KCNMA1: variants seen among roughly 807,000 people sequenced by gnomAD.
KCNMA1 encodes Calcium-activated potassium channel subunit alpha-1.
KCNMA1 carries 29 observed loss-of-function variants against 140.0 expected under a neutral mutation model. The ratio of observed to expected loss-of-function variants is 0.21; its 90% CI spans 0.15 to 0.28. The LOEUF (loss-of-function observed/expected upper bound fraction) is 0.28. Among genes scored for constraint, KCNMA1 ranks in the 10% least tolerant of loss-of-function variants. KCNMA1 has a pLI of 1.00. For synonymous variants in KCNMA1, 612 were observed against 611.9 expected (o/e 1.00, Z 0.00); for missense variants, 880 against 1,602.2 (o/e 0.55, Z 7.70).
intron 1 of KCNMA1, among the ~76,000 whole-genome samples, chr10:77,525,786 C>T (rs1338213937): frequency 1.3e-5 from 2 of 152,216 alleles, no homozygotes; most frequent in African/African-American, 4.8e-5. Context: ...CCCTCCTCCT[C>T]GTTACTAACA....
chr10:77,587,827 C>T (rs753833322), intron 1 of KCNMA1: 6 of 985,148 alleles, frequency 6.1e-6, no homozygotes, highest in East Asian at 1.1e-4. Flanking sequence ...GTTATCTCAC[C>T]GACAGATCAT....
At chr10:77,077,617 A>G (rs2096439609) in intron 13 of KCNMA1, among the ~76,000 whole-genome samples, 1 of 152,220 alleles carries the variant, frequency 6.6e-6, no homozygotes, top group Non-Finnish European at 1.5e-5. Flanking sequence ...CTAAACATAC[A>G]ACATTAATTT....
In KCNMA1 at chr10:77,117,293, A is replaced by G. The variant is rs183145823; in HGVS notation, c.884+3680T>C. On this transcript the variant is annotated intron_variant, in intron 6 of 27. Coordinates refer to ENST00000286628, the MANE Select transcript of KCNMA1 (RefSeq NM_001161352.2). ...GCTGGGCACAGTGGCTCACACCTGT[A>G]ATCCCAGCACTTTGGGAGGCCAAAG... 5.0e-3 allele frequency among the ~76,000 whole-genome samples: 761 copies of G among 152,260 alleles called. 4 individuals are homozygous for G. The highest frequency in any genetic ancestry group is 0.017 in the African/African-American group (718 of 41,546).
chr10:77,508,865 C>T (rs1304142117), intron 1 of KCNMA1, among the ~76,000 whole-genome samples: 1 of 152,152 alleles, frequency 6.6e-6, no homozygotes, highest in African/African-American at 2.4e-5. Context: ...AATTTGCCTA[C>T]TCCAGGTATC....
intron 1 of KCNMA1, among the ~76,000 whole-genome samples, chr10:77,426,425 T>C (rs888209890): frequency 6.6e-6 from 1 of 152,222 alleles, no homozygotes; most frequent in Non-Finnish European, 1.5e-5. Flanking sequence ...ACTATTATTA[T>C]GCCCATTTTA....
chr10:77,277,387 G>A (rs1318143391), intron 2 of KCNMA1, among the ~76,000 whole-genome samples: 3 of 152,160 alleles, frequency 2.0e-5, no homozygotes, highest in Non-Finnish European at 2.9e-5. Context: ...CAGGATTGAG[G>A]GCACTGTCCA....
intron 24 of KCNMA1, chr10:76,914,383 C>A (rs1353834971): frequency 7.8e-6 from 4 of 514,610 alleles, no homozygotes; most frequent in Non-Finnish European, 1.4e-5. Context: ...CCTCAAAACC[C>A]CATCATTTTG....
chr10:77,024,296 C>T, intron 16 of KCNMA1, among the ~76,000 whole-genome samples: 1 of 151,962 alleles, frequency 6.6e-6, no homozygotes. Flanking sequence ...TCAATAATAC[C>T]AAACTGACAG....
chr10:77,486,848 G>T (rs111494756), intron 1 of KCNMA1, among the ~76,000 whole-genome samples: 60 of 152,178 alleles, frequency 3.9e-4, no homozygotes, highest in African/African-American at 1.1e-3. Context: ...GTCATGGAGG[G>T]GTTTCCCTTC....
At chr10:76,934,738 A>C (rs865845474) in intron 23 of KCNMA1, among the ~76,000 whole-genome samples, 2 of 152,152 alleles carry the variant, frequency 1.3e-5, no homozygotes, top group South Asian at 4.1e-4. Flanking sequence ...TAGAGGGTCC[A>C]TGGGATTACA....
intron 19 of KCNMA1, chr10:76,977,793 G>T (rs776815650): frequency 1.7e-6 from 1 of 592,884 alleles, no homozygotes; most frequent in Non-Finnish European, 3.0e-6. Flanking sequence ...CGTGTTTGAG[G>T]TCATGAGTCA....
chr10:76,882,484 C>T (rs2035057008), downstream of KCNMA1, among the ~76,000 whole-genome samples: 2 of 152,158 alleles, frequency 1.3e-5, no homozygotes, highest in Admixed American at 1.3e-4. Flanking sequence ...CCTGATGCCT[C>T]CTCCGTCCCC....
intron 20 of KCNMA1, among the ~76,000 whole-genome samples, chr10:76,961,565 T>A (rs987730225): frequency 2.6e-5 from 4 of 152,342 alleles, no homozygotes; most frequent in Admixed American, 2.0e-4. Context: ...CTACTCTGGG[T>A]AAAATGCTAT....
At chr10:77,024,695 G>GA (rs34071531) in intron 16 of KCNMA1, among the ~76,000 whole-genome samples, 4 of 150,630 alleles carry the variant, frequency 2.7e-5, no homozygotes, top group South Asian at 2.1e-4. Context: ...AACACACTAG[G>GA]AAAAAAAAGC....
intron 1 of KCNMA1, among the ~76,000 whole-genome samples, chr10:77,450,205 G>A (rs990556142): frequency 3.3e-5 from 5 of 151,982 alleles, no homozygotes; most frequent in Non-Finnish European, 7.4e-5. Flanking sequence ...ACAGGTGCCC[G>A]CTACCATGCC....
At chr10:77,254,202 A>G (rs1171245103) in intron 2 of KCNMA1, among the ~76,000 whole-genome samples, 5 of 150,676 alleles carry the variant, frequency 3.3e-5, no homozygotes, top group African/African-American at 9.8e-5. Flanking sequence ...ATGGGAGGCC[A>G]CTTGGAGTCA....
chr10:77,062,219 G>A (rs932480112), intron 14 of KCNMA1, among the ~76,000 whole-genome samples: 1 of 152,106 alleles, frequency 6.6e-6, no homozygotes, highest in African/African-American at 2.4e-5. Flanking sequence ...AATGCAAATG[G>A]ATTACTCTGC....
intron 9 of KCNMA1, among the ~76,000 whole-genome samples, chr10:77,103,816 A>G (rs2097147642): frequency 1.3e-5 from 2 of 152,142 alleles, no homozygotes; most frequent in African/African-American, 4.8e-5. Context: ...CAGGACCCTT[A>G]GGGGTAGTGG....
chr10:77,515,999 C>T (rs144921046), intron 1 of KCNMA1, among the ~76,000 whole-genome samples: 3 of 152,196 alleles, frequency 2.0e-5, no homozygotes, highest in Non-Finnish European at 4.4e-5. Flanking sequence ...CAGAGCAGCT[C>T]CACACAGAAC....
Sources: allele counts gnomAD v4.1 joint callset (sites outside exome capture counted in the v4.1 genomes callset), GRCh38; gene constraint gnomAD v4.1.1; transcripts MANE v1.5; gene names NCBI Gene and HGNC (gene_info 2026-07-23, HGNC 2026-07-21).